FERMT1: variants seen among roughly 807,000 people sequenced by gnomAD.
FERMT1 encodes fermitin family homolog 1.
Under a neutral mutation model 85.3 loss-of-function variants are expected in FERMT1, and 60 were observed. The observed-to-expected ratio is 0.70, with a 90% CI of 0.57 to 0.87. The LOEUF (loss-of-function observed/expected upper bound fraction) is 0.87, where lower values mean the gene tolerates loss of function less well. Ranked by LOEUF, FERMT1 falls within the 40% of genes least tolerant of loss-of-function variation. The pLI, the probability that FERMT1 is intolerant of heterozygous loss-of-function variation, is 0.00. For missense variants in FERMT1, 701 were observed against 818.9 expected, an observed-to-expected ratio of 0.86 and a Z score of 1.76; for synonymous variants, 275 against 301.1, an observed-to-expected ratio of 0.91 and a Z score of 0.90.
At chr20:6,110,147 G>A in intron 5 of FERMT1, 151 bp downstream of exon 5, 1 of 709,340 alleles carries the variant, frequency 1.4e-6, no homozygotes, top group Non-Finnish European at 2.5e-6. Context: ...ACCAAAGGCT[G>A]AATTTTTCCC....
chr20:6,081,906 T>C (rs2123093714), intron 13 of FERMT1, among the ~76,000 whole-genome samples: 1 of 152,350 alleles, frequency 6.6e-6, no homozygotes, highest in South Asian at 2.1e-4. Context: ...ACCACCTTAA[T>C]GCTTAATATC....
chr20:6,092,500 G>A (rs1280518803), intron 9 of FERMT1, among the ~76,000 whole-genome samples: 3 of 151,946 alleles, frequency 2.0e-5, no homozygotes, highest in African/African-American at 4.8e-5. Flanking sequence ...CTGTGATCAC[G>A]TCACTGCACT....
rs1981824262 is a variant in FERMT1, at chr20:6,076,460, T to C, written c.*713A>G. The C allele has an allele frequency of 1.9e-6, 1 of 518,026 alleles. No homozygotes were observed. Among genetic ancestry groups the C allele is most frequent in the South Asian group, 1.4e-5 (1 of 71,116 alleles). 32.1% of individuals were successfully genotyped at this position (518,026 alleles called of 1,614,324 possible). A position where few individuals can be genotyped will look rare whatever the true frequency, so the allele number is the denominator to read the frequency against. ...GACTTACAGGTGGCTGAGAGATCTG[T>C]AGGAATGGAATGGGGCTTGCAGGTG... On this transcript the variant is annotated 3_prime_UTR_variant, in exon 15 of 15. Coordinates refer to ENST00000217289, the MANE Select transcript of FERMT1 (RefSeq NM_017671.5).
intron 7 of FERMT1, 31 bp from the exon 8 acceptor site, chr20:6,097,064 T>C: frequency 6.2e-7 from 1 of 1,606,074 alleles, no homozygotes; most frequent in African/African-American, 1.3e-5. Context: ...TTAGAAATGT[T>C]ATAAACAGAA....
chr20:6,110,804 A>G (rs917999611), intron 4 of FERMT1, among the ~76,000 whole-genome samples: 1 of 152,188 alleles, frequency 6.6e-6, no homozygotes, highest in East Asian at 1.9e-4. Flanking sequence ...AATAATATGG[A>G]TCATGATGGT....
intron 13 of FERMT1, among the ~76,000 whole-genome samples, chr20:6,082,244 C>A (rs1233156931): frequency 6.6e-6 from 1 of 152,192 alleles, no homozygotes; most frequent in African/African-American, 2.4e-5. Context: ...AGGCCCACAC[C>A]ACGCTTCACC....
Position 6,093,817 on chromosome 20 carries a change from G to A in FERMT1, c.1139+1122C>T, listed in dbSNP as rs558943834. Among the ~76,000 whole-genome samples, 20 of 152,300 alleles carry A rather than the reference G, an allele frequency of 1.3e-4. 1 individual carries two copies. The South Asian group carries it at 2.9e-3, about 22-fold the overall frequency. On this transcript the variant is annotated intron_variant, in intron 9 of 14. Transcript: ENST00000217289. ...ACAAAAATACAAAATGTAGCCAGGC[G>A]TGATGATGGGCACCTGTAATCCCAG...
intron 12 of FERMT1, 52 bp downstream of exon 12, chr20:6,085,014 G>C: frequency 6.6e-7 from 1 of 1,524,414 alleles, no homozygotes; most frequent in Non-Finnish European, 9.1e-7. Context: ...TTTTATTTCT[G>C]TTTGCATAAA....
intron 4 of FERMT1, among the ~76,000 whole-genome samples, chr20:6,111,165 A>G (rs1982937778): frequency 6.6e-6 from 1 of 152,224 alleles, no homozygotes; most frequent in African/African-American, 2.4e-5. Context: ...TCTTGGCACT[A>G]TTAGAGAACT....
chr20:6,120,397 G>A (rs1295156316), intron 1 of FERMT1: 1 of 152,210 alleles, frequency 6.6e-6, no homozygotes, highest in East Asian at 1.9e-4. Flanking sequence ...TCAAAGTACA[G>A]ATAGGGATGT....
intron 6 of FERMT1, among the ~76,000 whole-genome samples, chr20:6,103,833 C>T (rs1337930839): frequency 1.0e-5 from 1 of 96,620 alleles, no homozygotes; most frequent in African/African-American, 4.0e-5. Context: ...CCAATCTTTT[C>T]TGGATTCTTC....
At chr20:6,111,937 A>G (rs903946187) in intron 4 of FERMT1, among the ~76,000 whole-genome samples, 14 of 151,600 alleles carry the variant, frequency 9.2e-5, no homozygotes, top group African/African-American at 3.4e-4. Context: ...ATCTTGGCAC[A>G]CCGCAACTTC....
intron 9 of FERMT1, among the ~76,000 whole-genome samples, chr20:6,093,066 G>A (rs1044914601): frequency 6.6e-6 from 1 of 151,860 alleles, no homozygotes; most frequent in Non-Finnish European, 1.5e-5. Context: ...AAATTTAATA[G>A]ATTTTTTTAA....
At chr20:6,093,943 G>C (rs548399785) in intron 9 of FERMT1, 10 of 152,298 alleles carry the variant, frequency 6.6e-5, no homozygotes, top group Admixed American at 5.2e-4. Context: ...GTAATAGAGT[G>C]AGACTCTGTC....
intron 6 of FERMT1, among the ~76,000 whole-genome samples, chr20:6,099,275 T>A: frequency 6.6e-6 from 1 of 151,384 alleles, no homozygotes; most frequent in Non-Finnish European, 1.5e-5. Context: ...TGGTGGCAGG[T>A]GCATGTAATC....
At chr20:6,121,961 C>T (rs1983288417) in intron 1 of FERMT1, among the ~76,000 whole-genome samples, 1 of 152,082 alleles carries the variant, frequency 6.6e-6, no homozygotes, top group African/African-American at 2.4e-5. Context: ...TTGAACTGTT[C>T]GACTTTAAGA....
At chr20:6,105,420 C>T (rs1229448247) in intron 6 of FERMT1, among the ~76,000 whole-genome samples, 1 of 152,170 alleles carries the variant, frequency 6.6e-6, no homozygotes, top group Non-Finnish European at 1.5e-5. Flanking sequence ...AGCATTTCCT[C>T]TCAGGATGCT....
Position 6,097,681 on chromosome 20 carries a change from A to G in FERMT1, c.850-50T>C, listed in dbSNP as rs6117078. On this transcript the variant is annotated intron_variant, in intron 6 of 14. Coordinates refer to ENST00000217289, the MANE Select transcript of FERMT1 (RefSeq NM_017671.5). ...GTGTAATGAGGTATATTTATATCCCACAATACAAAGATTCTGAAACAACTG... is the reference window on the plus strand; with the variant it reads ...GTGTAATGAGGTATATTTATATCCCGCAATACAAAGATTCTGAAACAACTG... 2.6e-3 allele frequency: 3,190 copies of G among 1,235,408 alleles called. 40 individuals are homozygous for G. The African/African-American group carries it at 0.032, about 12-fold the overall frequency. The allele number at this position is 1,235,408 out of a possible 1,614,324, so 76.5% of individuals were successfully genotyped here. A position where few individuals can be genotyped will look rare whatever the true frequency, so the allele number is the denominator to read the frequency against.
intron 11 of FERMT1, 70 bp from the exon 12 acceptor site, chr20:6,085,357 G>T: frequency 7.1e-7 from 1 of 1,409,342 alleles, no homozygotes; most frequent in Non-Finnish European, 1.0e-6. Flanking sequence ...AGGGGGACTT[G>T]GGCTTTCTAC....
Sources: gnomAD v4.1 joint callset for allele counts (sites outside exome capture counted in the v4.1 genomes callset) on GRCh38, gnomAD v4.1.1 for gene constraint, MANE v1.5 for transcripts, NCBI Gene and HGNC (gene_info 2026-07-23, HGNC 2026-07-21) for gene names.